The following CTNNBL1 variants were observed in gnomAD, a reference collection of about 807,000 sequenced individuals.
CTNNBL1 encodes catenin beta like 1.
Under a neutral mutation model 72.7 loss-of-function variants are expected in CTNNBL1, and 31 were observed. The observed-to-expected ratio is 0.43, with a 90% confidence interval of 0.32 to 0.58. The LOEUF (loss-of-function observed/expected upper bound fraction) is 0.58, where lower values mean the gene tolerates loss of function less well. Ranked by LOEUF, CTNNBL1 falls within the 20% of genes least tolerant of loss-of-function variation. The pLI, the probability that CTNNBL1 is intolerant of heterozygous loss-of-function variation, is 0.08. For synonymous variants in CTNNBL1, 240 were observed against 267.3 expected (o/e 0.90, Z 1.00); for missense variants, 534 against 725.1 (o/e 0.74, Z 3.03).
chr20:37,847,946 A>G (rs998992907), intron 13 of CTNNBL1: 4 of 152,568 alleles, frequency 2.6e-5, no homozygotes, highest in African/African-American at 9.7e-5. Flanking sequence ...TTCGAAGCTC[A>G]TTTAAAGATT....
intron 1 of CTNNBL1, among the ~76,000 whole-genome samples, chr20:37,715,918 A>G (rs2072982423): frequency 6.6e-6 from 1 of 152,192 alleles, no homozygotes; most frequent in Non-Finnish European, 1.5e-5. Flanking sequence ...AAACTTGCTT[A>G]TGAAAATTCA....
chr20:37,839,074 T>G (rs1436061848), intron 11 of CTNNBL1, among the ~76,000 whole-genome samples: 8 of 151,930 alleles, frequency 5.3e-5, no homozygotes, highest in Non-Finnish European at 4.4e-5. Flanking sequence ...TGAATATATA[T>G]AGAAAATAGA....
chr20:37,804,445 C>T lies in CTNNBL1; in HGVS notation c.1213+1397C>T, dbSNP rs143346849. Among the ~76,000 whole-genome samples, 28 of 152,182 alleles carry T rather than the reference C, an allele frequency of 1.8e-4. 1 individual carries two copies. In the East Asian group the frequency reaches 1.9e-3, roughly 11 times the overall value. On this transcript the variant is annotated intron_variant, in intron 11 of 15. Transcript: ENST00000361383. ...AGAGGAGATGAACTGGGAAGGCAGC[C>T]GAGCTGTGGGTTCTACAGCTAACTA... is the stretch of plus-strand genomic sequence containing the variant.
chr20:37,831,047 G>C (rs892901393), intron 11 of CTNNBL1, among the ~76,000 whole-genome samples: 2 of 152,162 alleles, frequency 1.3e-5, no homozygotes, highest in African/African-American at 4.8e-5. Context: ...AAAACTAAGT[G>C]TGCCCATAGA....
intron 1 of CTNNBL1, among the ~76,000 whole-genome samples, chr20:37,723,375 A>T (rs546612941): frequency 6.6e-6 from 1 of 152,318 alleles, no homozygotes; most frequent in South Asian, 2.1e-4. Flanking sequence ...CATTGTGAAC[A>T]TTGATAAAGA....
At chr20:37,752,162 G>A (rs532893735) in intron 4 of CTNNBL1, among the ~76,000 whole-genome samples, 4 of 152,264 alleles carry the variant, frequency 2.6e-5, no homozygotes, top group African/African-American at 7.2e-5. Context: ...GGAAGATTAG[G>A]GTGGTTGTAG....
intron 11 of CTNNBL1, among the ~76,000 whole-genome samples, chr20:37,810,269 C>T (rs1054905688): frequency 2.0e-5 from 3 of 152,098 alleles, no homozygotes; most frequent in Admixed American, 6.5e-5. Flanking sequence ...TGTCAACTCA[C>T]GGTGGAAGGC....
intron 7 of CTNNBL1, among the ~76,000 whole-genome samples, chr20:37,774,652 G>A (rs2073558201): frequency 6.6e-6 from 1 of 152,158 alleles, no homozygotes; most frequent in Non-Finnish European, 1.5e-5. Flanking sequence ...AGAATTCTCA[G>A]TAGCAAGAAA....
At chr20:37,814,367 T>C (rs1244181116) in intron 11 of CTNNBL1, among the ~76,000 whole-genome samples, 7 of 152,188 alleles carry the variant, frequency 4.6e-5, no homozygotes, top group Admixed American at 4.6e-4. Flanking sequence ...CCTGGCTCAC[T>C]TTGTGTGCCT....
chr20:37,844,867 G>C (rs2072334270), intron 13 of CTNNBL1, among the ~76,000 whole-genome samples: 1 of 152,188 alleles, frequency 6.6e-6, no homozygotes, highest in Non-Finnish European at 1.5e-5. Context: ...AGAGTCACTT[G>C]AGCCTGAGAG....
chr20:37,819,554 G>T (rs2072087376), intron 11 of CTNNBL1, among the ~76,000 whole-genome samples: 1 of 152,196 alleles, frequency 6.6e-6, no homozygotes, highest in Non-Finnish European at 1.5e-5. Flanking sequence ...ATTGTGGAAA[G>T]TGGTCTATGA....
At chr20:37,746,763 C>G (rs1350624989) in intron 4 of CTNNBL1, 156 bp downstream of exon 4, 31 of 1,040,450 alleles carry the variant, frequency 3.0e-5, no homozygotes, top group Non-Finnish European at 4.4e-5. Context: ...ATGCTTTTTA[C>G]TCATTTGAAA....
chr20:37,718,485 G>T (rs2073011886), intron 1 of CTNNBL1, among the ~76,000 whole-genome samples: 1 of 133,740 alleles, frequency 7.5e-6, no homozygotes, highest in African/African-American at 2.9e-5. Flanking sequence ...CTCCCTCCCA[G>T]ACGGGGCGGC....
intron 10 of CTNNBL1, among the ~76,000 whole-genome samples, chr20:37,786,293 G>C (rs2073672708): frequency 6.6e-6 from 1 of 152,112 alleles, no homozygotes; most frequent in South Asian, 2.1e-4. Flanking sequence ...TGGCCCAAAG[G>C]CTCTACAGTC....
Position 37,765,287 on chromosome 20 carries a change from C to G in CTNNBL1, c.655C>G (p.Leu219Val). 6.5e-7 allele frequency: 1 copy of G among 1,547,104 alleles called. No homozygotes were observed. Among genetic ancestry groups the G allele is most frequent in the Non-Finnish European group, 8.8e-7 (1 of 1,142,856 alleles). ...GGAGGCAGATGGCGTCCACAACACT[C>G]TGGGTGAGAGGAAGGGTGCTTGCCA... ...KEEADGVHNTLAIVENMAEFR... is the reference protein window; with the variant it reads ...KEEADGVHNTVAIVENMAEFR... Residue 219 changes from leucine (L) to valine (V), a missense_variant, in exon 6 of 16, where the codon CTG becomes GTG. Coordinates refer to ENST00000361383, the MANE Select transcript of CTNNBL1 (RefSeq NM_030877.5).
At chr20:37,697,381 T>C (rs905566393) in intron 1 of CTNNBL1, among the ~76,000 whole-genome samples, 2 of 152,010 alleles carry the variant, frequency 1.3e-5, no homozygotes, top group Non-Finnish European at 2.9e-5. Context: ...GACCCAGTCA[T>C]GTGAAGGGAG....
At chr20:37,736,781 T>C (rs1245052014) in intron 2 of CTNNBL1, among the ~76,000 whole-genome samples, 1 of 152,024 alleles carries the variant, frequency 6.6e-6, no homozygotes, top group Non-Finnish European at 1.5e-5. Context: ...CTTGGACTCC[T>C]GAAGTGCTGA....
At chr20:37,824,449 G>T (rs186453316) in intron 11 of CTNNBL1, among the ~76,000 whole-genome samples, 7 of 152,292 alleles carry the variant, frequency 4.6e-5, no homozygotes, top group African/African-American at 1.2e-4. Flanking sequence ...GCTTTGCTTG[G>T]GGTAAACGCC....
chr20:37,861,302 C>T (rs949424070), intron 15 of CTNNBL1, among the ~76,000 whole-genome samples: 4 of 152,208 alleles, frequency 2.6e-5, no homozygotes, highest in Non-Finnish European at 4.4e-5. Flanking sequence ...GCTGGAGAGG[C>T]CTCCAGTCGG....
Sources: allele counts gnomAD v4.1 joint callset (sites outside exome capture counted in the v4.1 genomes callset), GRCh38; gene constraint gnomAD v4.1.1; transcripts MANE v1.5; gene names NCBI Gene and HGNC (gene_info 2026-07-23, HGNC 2026-07-21).